The following RORA variants were observed in gnomAD, a reference collection of about 807,000 sequenced individuals.
RORA encodes RAR related orphan receptor A, also known as nuclear receptor ROR-alpha.
A neutral mutation model predicts 69.5 loss-of-function variants in RORA; 7 were observed. The observed-to-expected ratio is 0.10, with a 90% CI of 0.06 to 0.19. The LOEUF (loss-of-function observed/expected upper bound fraction) is 0.19. Among genes scored for constraint, RORA ranks in the 10% least tolerant of loss-of-function variants. The probability of loss-of-function intolerance (pLI) is 1.00; values close to 1 mark genes in which losing one functional copy is unlikely to be tolerated. For synonymous variants in RORA, 261 were observed against 240.8 expected (o/e 1.08, Z -0.78); for missense variants, 457 against 663.0 (o/e 0.69, Z 3.41).
At chr15:60,540,194 A>G (rs2066817026) in intron 2 of RORA, among the ~76,000 whole-genome samples, 1 of 152,176 alleles carries the variant, frequency 6.6e-6, no homozygotes, top group Admixed American at 6.5e-5. Flanking sequence ...CTAGATACCA[A>G]TTCCTTTTTT....
At chr15:60,740,264 C>T (rs184630811) in intron 1 of RORA, among the ~76,000 whole-genome samples, 117 of 150,832 alleles carry the variant, frequency 7.8e-4, no homozygotes, top group African/African-American at 2.7e-3. Context: ...ACCCCCCGCA[C>T]TTCAGAAGAA....
chr15:60,608,067 G>A (rs777247581), intron 2 of RORA, among the ~76,000 whole-genome samples: 3 of 152,210 alleles, frequency 2.0e-5, no homozygotes, highest in Non-Finnish European at 4.4e-5. Flanking sequence ...CATGGAAACT[G>A]CTGCCTCTCC....
intron 1 of RORA, among the ~76,000 whole-genome samples, chr15:60,877,172 G>A (rs1448955673): frequency 6.6e-6 from 1 of 152,236 alleles, no homozygotes; most frequent in Non-Finnish European, 1.5e-5. Flanking sequence ...AGGCTGAGAA[G>A]TAGTTCACCA....
chr15:60,731,979 A>G (rs917166438), intron 1 of RORA, among the ~76,000 whole-genome samples: 2 of 152,192 alleles, frequency 1.3e-5, no homozygotes, highest in Admixed American at 6.5e-5. Flanking sequence ...CCAGGCTAGA[A>G]GTTCCGAATA....
intron 1 of RORA, among the ~76,000 whole-genome samples, chr15:60,966,710 C>G (rs116963163): frequency 6.6e-6 from 1 of 152,184 alleles, no homozygotes; most frequent in Non-Finnish European, 1.5e-5. Flanking sequence ...TTCTGATAAA[C>G]CTGGTATGTT....
chr15:61,060,298 G>C (rs1205402530), intron 1 of RORA, among the ~76,000 whole-genome samples: 1 of 152,072 alleles, frequency 6.6e-6, no homozygotes, highest in Non-Finnish European at 1.5e-5. Context: ...CCTGGTACTT[G>C]GACATCTCTT....
intron 2 of RORA, among the ~76,000 whole-genome samples, chr15:60,638,386 CTT>C (rs375782514): frequency 1.9e-4 from 22 of 117,882 alleles, no homozygotes; most frequent in African/African-American, 4.1e-4. Flanking sequence ...ATTTTCTTTT[CTT>C]TTTTTTTTTT....
intron 2 of RORA, among the ~76,000 whole-genome samples, chr15:60,581,523 G>A (rs919592166): frequency 6.6e-6 from 1 of 152,116 alleles, no homozygotes. Flanking sequence ...ATGCAATGGA[G>A]GTACAATTTC....
chr15:60,577,696 A>C (rs1237554152), intron 2 of RORA, among the ~76,000 whole-genome samples: 2 of 151,868 alleles, frequency 1.3e-5, no homozygotes, highest in Non-Finnish European at 2.9e-5. Context: ...TAGGTTATAC[A>C]TCAGTCATTG....
intron 2 of RORA, chr15:60,556,966 G>C (rs1205129080): frequency 1.3e-6 from 2 of 1,539,922 alleles, no homozygotes; most frequent in Admixed American, 1.7e-5. Context: ...AAAGGACAAA[G>C]AAAAGATTTA....
intron 5 of RORA, among the ~76,000 whole-genome samples, chr15:60,510,230 A>G (rs1174047582): frequency 6.6e-6 from 1 of 152,234 alleles, no homozygotes; most frequent in African/African-American, 2.4e-5. Context: ...AAGGATTATA[A>G]CCTTGTGTGA....
At chr15:60,678,124 CA>C (rs2070580253) in intron 2 of RORA, 1 of 152,766 alleles carries the variant, frequency 6.5e-6, no homozygotes. Context: ...AGCATAAATC[CA>C]GCACACGTTT....
At chr15:60,680,985 G>A (rs966506633) in intron 1 of RORA, among the ~76,000 whole-genome samples, 6 of 151,864 alleles carry the variant, frequency 4.0e-5, no homozygotes, top group Non-Finnish European at 8.8e-5. Context: ...TTTTAACCTA[G>A]CCATTCTGAA....
At chr15:60,893,516 C>T (rs1891138317) in intron 1 of RORA, among the ~76,000 whole-genome samples, 1 of 152,222 alleles carries the variant, frequency 6.6e-6, no homozygotes, top group Non-Finnish European at 1.5e-5. Context: ...CCACCTTACC[C>T]CTCCACAAGA....
At chr15:60,917,918 A>G (rs1468504328) in intron 1 of RORA, among the ~76,000 whole-genome samples, 1 of 152,212 alleles carries the variant, frequency 6.6e-6, no homozygotes, top group Non-Finnish European at 1.5e-5. Flanking sequence ...TTCACACCCA[A>G]CTGAATCAGA....
At chr15:60,574,307 C>T (rs1232510980) in intron 2 of RORA, among the ~76,000 whole-genome samples, 1 of 152,224 alleles carries the variant, frequency 6.6e-6, no homozygotes, top group Non-Finnish European at 1.5e-5. Flanking sequence ...GTGCTTGGCA[C>T]ACAGGAAGCG....
At chr15:60,659,237 A>G (rs2070267114) in intron 2 of RORA, among the ~76,000 whole-genome samples, 1 of 152,222 alleles carries the variant, frequency 6.6e-6, no homozygotes, top group African/African-American at 2.4e-5. Flanking sequence ...TTTAAAGGAC[A>G]AGATTGGCGA....
chr15:60,834,354 G>T (rs548334334), intron 1 of RORA, among the ~76,000 whole-genome samples: 2 of 152,112 alleles, frequency 1.3e-5, no homozygotes, highest in South Asian at 2.1e-4. Flanking sequence ...CAGATCCAAG[G>T]TTAGTTCCTG....
intron 1 of RORA, among the ~76,000 whole-genome samples, chr15:60,787,934 G>C (rs918192783): frequency 3.3e-5 from 5 of 152,234 alleles, no homozygotes; most frequent in African/African-American, 1.2e-4. Context: ...GTGGCTGCTG[G>C]GGATACTGCA....
Sources: gnomAD v4.1 joint callset for allele counts (sites outside exome capture counted in the v4.1 genomes callset) on GRCh38, gnomAD v4.1.1 for gene constraint, MANE v1.5 for transcripts, NCBI Gene and HGNC (gene_info 2026-07-23, HGNC 2026-07-21) for gene names.